Variants in LPAR3 observed in about 807,000 individuals in gnomAD.
LPAR3 encodes LPA receptor 3.
Under a neutral mutation model 17.8 loss-of-function variants are expected in LPAR3, and 7 were observed. That is an observed-to-expected ratio of 0.39 (90% CI 0.22 to 0.74). LPAR3 has a LOEUF of 0.74. Among genes scored for constraint, LPAR3 ranks in the 30% least tolerant of loss-of-function variants. The pLI, the probability that LPAR3 is intolerant of heterozygous loss-of-function variation, is 0.40. For synonymous variants in LPAR3, 179 were observed against 179.9 expected (o/e 0.99, Z 0.04); for missense variants, 391 against 453.4 (o/e 0.86, Z 1.25).
rs1272351559 is a variant in LPAR3 at position 84,865,961 on chromosome 1, C to T, written c.160G>A (p.Ala54Thr). ...TGAAATTTTCTGTTTTTGATCACTGCCGCGATGACCAGAGAATTAGAAAAA... is the reference window on the plus strand; with the variant it reads ...TGAAATTTTCTGTTTTTGATCACTGTCGCGATGACCAGAGAATTAGAAAAA... ...IFFSNSLVIAAVIKNRKFHFP... is the reference protein window; with the variant it reads ...IFFSNSLVIATVIKNRKFHFP... Residue 54 changes from alanine to threonine, a missense_variant, in exon 2 of 3, where the codon GCA (alanine) becomes ACA (threonine). Coordinates refer to ENST00000370611, the MANE Select transcript of LPAR3 (RefSeq NM_012152.3). 6.2e-6 allele frequency: 10 copies of T among 1,613,954 alleles called. No homozygotes were observed. Among genetic ancestry groups the T allele is most frequent in the Non-Finnish European group, 8.5e-6 (10 of 1,180,012 alleles).
intron 2 of LPAR3, among the ~76,000 whole-genome samples, chr1:84,831,159 A>T (rs927043683): frequency 6.6e-6 from 1 of 152,216 alleles, no homozygotes; most frequent in Admixed American, 6.5e-5. Flanking sequence ...GTCTCCTCTC[A>T]AACAGTGAAC....
intron 2 of LPAR3, among the ~76,000 whole-genome samples, chr1:84,819,267 T>C (rs972272909): frequency 9.8e-5 from 15 of 152,342 alleles, no homozygotes; most frequent in African/African-American, 3.1e-4. Flanking sequence ...GCAGAGAGAA[T>C]AAAAATGTTA....
chr1:84,813,676 CTT>C lies in LPAR3; in HGVS notation c.*168_*169del. Reference sequence around the variant, plus strand: ...TTTCTCTAAATGCAGCAGGTCCTCTCTTTACTGCCCATGCTTTTAAACTATGA... The same window carrying C: ...TTTCTCTAAATGCAGCAGGTCCTCTCTACTGCCCATGCTTTTAAACTATGA... On this transcript the variant is annotated 3_prime_UTR_variant, in exon 3 of 3. Coordinates refer to ENST00000370611, the MANE Select transcript of LPAR3 (RefSeq NM_012152.3). 1.7e-6 allele frequency: 1 copy of C among 596,690 alleles called. No homozygotes were observed. The highest frequency in any genetic ancestry group is 2.9e-6 in the Non-Finnish European group (1 of 341,150). The allele number at this position is 596,690 out of a possible 1,614,324, so 37.0% of individuals were successfully genotyped here. A position where few individuals can be genotyped will look rare whatever the true frequency, so the allele number is the denominator to read the frequency against.
At chr1:84,852,345 C>T (rs35895413) in intron 2 of LPAR3, among the ~76,000 whole-genome samples, 1,631 of 152,250 alleles carry the variant, frequency 0.011, 16 homozygotes, top group Admixed American at 0.015. Flanking sequence ...TCCCAAAGTG[C>T]TGGGATTACA....
intron 2 of LPAR3, among the ~76,000 whole-genome samples, chr1:84,850,212 T>C (rs1227029056): frequency 2.6e-5 from 4 of 151,634 alleles, no homozygotes; most frequent in African/African-American, 9.7e-5. Context: ...TCAGCAGTCC[T>C]GATGGAACCC....
chr1:84,860,581 T>C (rs1386158893), intron 2 of LPAR3, among the ~76,000 whole-genome samples: 1 of 152,114 alleles, frequency 6.6e-6, no homozygotes, highest in Non-Finnish European at 1.5e-5. Flanking sequence ...ACAGCCCCTG[T>C]CCATCCTTTC....
rs1660045264 is a variant in LPAR3, at chr1:84,866,132, G to A, written c.-12C>T. On this transcript the variant is annotated 5_prime_UTR_variant, in exon 2 of 3. Transcript: ENST00000370611. Reference sequence around the variant, plus strand: ...TGACACTCATTCATTGTGGAGAAGTGAACATCCTAGAAAGAAATTTAAAGA... The same window carrying A: ...TGACACTCATTCATTGTGGAGAAGTAAACATCCTAGAAAGAAATTTAAAGA... 3.1e-6 allele frequency: 3 copies of A among 974,274 alleles called. No homozygotes were observed. The highest frequency in any genetic ancestry group is 6.1e-5 in the Admixed American group (2 of 32,996). The allele number at this position is 974,274 out of a possible 1,614,324, so 60.4% of individuals were successfully genotyped here.
At chr1:84,842,509 G>T (rs1265494766) in intron 2 of LPAR3, among the ~76,000 whole-genome samples, 1 of 152,162 alleles carries the variant, frequency 6.6e-6, no homozygotes, top group Non-Finnish European at 1.5e-5. Flanking sequence ...TAAGTTATAG[G>T]TTTGAAAAGA....
At chr1:84,836,345 A>AAT (rs1457480876) in intron 2 of LPAR3, among the ~76,000 whole-genome samples, 1 of 151,234 alleles carries the variant, frequency 6.6e-6, no homozygotes, top group East Asian at 1.9e-4. Flanking sequence ...CTTTAAAAAA[A>AAT]AAAAAAAAAA....
At chr1:84,862,375 G>A (rs542309305) in intron 2 of LPAR3, among the ~76,000 whole-genome samples, 17 of 152,366 alleles carry the variant, frequency 1.1e-4, no homozygotes, top group African/African-American at 2.2e-4. Context: ...TAGCCACAGA[G>A]TATGGTGGTA....
chr1:84,828,008 G>C (rs144291949), intron 2 of LPAR3, among the ~76,000 whole-genome samples: 2 of 152,280 alleles, frequency 1.3e-5, no homozygotes, highest in Admixed American at 6.5e-5. Context: ...AGAAGAAGAG[G>C]GGGTGGAGGG....
intron 2 of LPAR3, among the ~76,000 whole-genome samples, chr1:84,848,338 C>A (rs1370697357): frequency 6.6e-6 from 1 of 152,204 alleles, no homozygotes; most frequent in South Asian, 2.1e-4. Context: ...TGGCCACTTT[C>A]CCTCCCAAAT....
chr1:84,840,392 T>C (rs1424894728), intron 2 of LPAR3, among the ~76,000 whole-genome samples: 1 of 152,174 alleles, frequency 6.6e-6, no homozygotes, highest in Non-Finnish European at 1.5e-5. Context: ...CCCCAAAATT[T>C]GTTACAAAGC....
chr1:84,850,841 GT>G (rs1391502844), intron 2 of LPAR3, among the ~76,000 whole-genome samples: 1 of 152,222 alleles, frequency 6.6e-6, no homozygotes, highest in Non-Finnish European at 1.5e-5. Context: ...AGTAAGAGGG[GT>G]CCCAGGTGAC....
intron 2 of LPAR3, among the ~76,000 whole-genome samples, chr1:84,829,216 T>C (rs2102748867): frequency 6.6e-6 from 1 of 150,876 alleles, no homozygotes; most frequent in East Asian, 1.9e-4. Flanking sequence ...TTGATTTGCT[T>C]TTTGTCATTA....
intron 1 of LPAR3, among the ~76,000 whole-genome samples, chr1:84,882,867 G>T (rs1660390940): frequency 6.6e-6 from 1 of 152,194 alleles, no homozygotes; most frequent in Non-Finnish European, 1.5e-5. Flanking sequence ...ATGCAAAAGG[G>T]CATGGCCCTG....
chr1:84,856,720 A>G (rs1266355863), intron 2 of LPAR3, among the ~76,000 whole-genome samples: 1 of 152,182 alleles, frequency 6.6e-6, no homozygotes, highest in Non-Finnish European at 1.5e-5. Flanking sequence ...CTCTCGAAGG[A>G]TTTGTTAGCA....
At chr1:84,845,105 C>T (rs1659571810) in intron 2 of LPAR3, among the ~76,000 whole-genome samples, 1 of 152,182 alleles carries the variant, frequency 6.6e-6, no homozygotes, top group African/African-American at 2.4e-5. Flanking sequence ...TCTGGTAACT[C>T]CTCCAGGCTT....
intron 1 of LPAR3, among the ~76,000 whole-genome samples, chr1:84,873,516 T>A (rs114913800): frequency 0.035 from 5,378 of 152,242 alleles, 134 homozygotes; most frequent in African/African-American, 0.065. Context: ...GGAGTGGCAA[T>A]TTGTTCAAAA....
Sources: allele counts gnomAD v4.1 joint callset (sites outside exome capture counted in the v4.1 genomes callset), GRCh38; gene constraint gnomAD v4.1.1; transcripts MANE v1.5; gene names NCBI Gene and HGNC (gene_info 2026-07-23, HGNC 2026-07-21).